Variants in ARFGEF1 observed in about 807,000 individuals in gnomAD.
The protein encoded by ARFGEF1 is brefeldin A-inhibited guanine nucleotide-exchange protein 1.
Under a neutral mutation model 231.0 loss-of-function variants are expected in ARFGEF1, and 42 were observed. The observed-to-expected ratio is 0.18, with a 90% CI of 0.14 to 0.24. The LOEUF (loss-of-function observed/expected upper bound fraction) is 0.24, where lower values mean the gene tolerates loss of function less well. Among genes scored for constraint, ARFGEF1 ranks in the 10% least tolerant of loss-of-function variants. The pLI, the probability that ARFGEF1 is intolerant of heterozygous loss-of-function variation, is 1.00. For synonymous variants in ARFGEF1, 710 were observed against 732.3 expected (o/e 0.97, Z 0.49); for missense variants, 1,345 against 2,192.0 (o/e 0.61, Z 7.72).
At chr8:67,301,011 TATCCC>T in intron 3 of ARFGEF1, among the ~76,000 whole-genome samples, 1 of 152,334 alleles carries the variant, frequency 6.6e-6, no homozygotes, top group South Asian at 2.1e-4. Flanking sequence ...AAAGATTTTA[TATCCC>T]ACTAAGTTAA....
chr8:67,300,827 G>C (rs1297178765), intron 3 of ARFGEF1, among the ~76,000 whole-genome samples: 1 of 150,774 alleles, frequency 6.6e-6, no homozygotes, highest in African/African-American at 2.4e-5. Flanking sequence ...CCAGGCAACA[G>C]AGCAAGACTT....
chr8:67,184,860 G>A (rs554066879), intron 5 of ARFGEF1, among the ~76,000 whole-genome samples: 2 of 149,344 alleles, frequency 1.3e-5, no homozygotes, highest in East Asian at 3.9e-4. Flanking sequence ...AGCACTTTGG[G>A]AGGCCGAGGA....
At chr8:67,230,204 G>A (rs532978770) in intron 23 of ARFGEF1, among the ~76,000 whole-genome samples, 2 of 152,202 alleles carry the variant, frequency 1.3e-5, no homozygotes, top group East Asian at 3.9e-4. Context: ...TAACATTAAG[G>A]CAAGAGAACA....
chr8:67,335,557 C>T (rs1808306495), intron 1 of ARFGEF1, among the ~76,000 whole-genome samples: 1 of 152,076 alleles, frequency 6.6e-6, no homozygotes, highest in South Asian at 2.1e-4. Flanking sequence ...ATATAAAGTG[C>T]TTGGCCTTCA....
intron 1 of ARFGEF1, among the ~76,000 whole-genome samples, chr8:67,319,740 T>C (rs1017282712): frequency 6.6e-6 from 1 of 152,138 alleles, no homozygotes; most frequent in African/African-American, 2.4e-5. Context: ...TGAAAGACAA[T>C]GTTAAGAGAA....
intron 34 of ARFGEF1, among the ~76,000 whole-genome samples, chr8:67,205,905 A>T (rs182809482): frequency 8.3e-4 from 126 of 151,656 alleles, no homozygotes; most frequent in Middle Eastern, 6.8e-3. Flanking sequence ...AAATTAAAAT[A>T]AAAAAATAGG....
At chr8:67,309,534 T>C (rs1005300848) in intron 1 of ARFGEF1, among the ~76,000 whole-genome samples, 2 of 152,222 alleles carry the variant, frequency 1.3e-5, no homozygotes, top group Non-Finnish European at 2.9e-5. Flanking sequence ...CTACTTATGA[T>C]TATTACATAT....
chr8:67,221,496 TAGAAA>T (rs1202544735), intron 29 of ARFGEF1, among the ~76,000 whole-genome samples: 1 of 152,066 alleles, frequency 6.6e-6, no homozygotes, highest in African/African-American at 2.4e-5. Context: ...AAAATAGAAA[TAGAAA>T]AAAGCTTATA....
chr8:67,259,212 T>C (rs542035599), intron 15 of ARFGEF1, among the ~76,000 whole-genome samples: 36 of 152,282 alleles, frequency 2.4e-4, no homozygotes, highest in African/African-American at 8.2e-4. Context: ...GAGATGATTA[T>C]ATTATAACCA....
At chr8:67,208,403 G>A (rs1462937445) in intron 34 of ARFGEF1, among the ~76,000 whole-genome samples, 2 of 152,168 alleles carry the variant, frequency 1.3e-5, no homozygotes, top group Non-Finnish European at 2.9e-5. Context: ...GGCCAGGCAG[G>A]TGGATCACTT....
At position 67,197,681 on chromosome 8, in the gene ARFGEF1, T is replaced by C. The variant is rs886520917; in HGVS notation, c.*1253A>G. On this transcript the variant is annotated 3_prime_UTR_variant, in exon 39 of 39. Transcript: ENST00000262215. Reference sequence around the variant, plus strand: ...GGTTTTGATTGCACTGATGAAATAATTCAAAAACTTTATTGACCTATAACC... The same window carrying C: ...GGTTTTGATTGCACTGATGAAATAACTCAAAAACTTTATTGACCTATAACC... 5 of 985,704 alleles carry C rather than the reference T, an allele frequency of 5.1e-6. No homozygotes were observed. In the African/African-American group the frequency reaches 8.7e-5, roughly 17 times the overall value. 61.1% of individuals were successfully genotyped at this position (985,704 alleles called of 1,614,324 possible).
chr8:67,199,794 G>C (rs1489444799), intron 38 of ARFGEF1: 1 of 163,872 alleles, frequency 6.1e-6, no homozygotes, highest in Non-Finnish European at 1.3e-5. Context: ...CAGCAAAGCA[G>C]CCTGTATGTG....
chr8:67,321,510 G>A (rs1407334402), intron 1 of ARFGEF1, among the ~76,000 whole-genome samples: 1 of 152,118 alleles, frequency 6.6e-6, no homozygotes, highest in East Asian at 1.9e-4. Context: ...GCCCAGGCTG[G>A]AGTGCAGTGG....
At chr8:67,280,377 A>G (rs964454295) in intron 7 of ARFGEF1, among the ~76,000 whole-genome samples, 2 of 152,244 alleles carry the variant, frequency 1.3e-5, no homozygotes, top group African/African-American at 4.8e-5. Flanking sequence ...TAACATAACA[A>G]GTAGGCCAGG....
downstream of ARFGEF1, among the ~76,000 whole-genome samples, chr8:67,195,021 T>C (rs1391376420): frequency 6.6e-6 from 1 of 152,216 alleles, no homozygotes; most frequent in African/African-American, 2.4e-5. Context: ...GTGTAGCCAT[T>C]AGGCTTCTCC....
chr8:67,333,946 G>C (rs947019341), intron 1 of ARFGEF1, among the ~76,000 whole-genome samples: 2 of 151,908 alleles, frequency 1.3e-5, no homozygotes, highest in African/African-American at 2.4e-5. Flanking sequence ...AAACCAGCCT[G>C]GCCAACATGG....
At chr8:67,258,757 A>C (rs530790314) in intron 15 of ARFGEF1, among the ~76,000 whole-genome samples, 1 of 152,118 alleles carries the variant, frequency 6.6e-6, no homozygotes, top group Non-Finnish European at 1.5e-5. Flanking sequence ...AAACACACTA[A>C]ATGCCTTCAT....
intron 30 of ARFGEF1, among the ~76,000 whole-genome samples, chr8:67,218,942 TTCA>T (rs979370258): frequency 6.6e-6 from 1 of 152,090 alleles, no homozygotes; most frequent in African/African-American, 2.4e-5. Flanking sequence ...AAAAAATCAA[TTCA>T]TCAATTCAGT....
At chr8:67,329,107 TCCC>T (rs1317903080) in intron 1 of ARFGEF1, among the ~76,000 whole-genome samples, 5 of 151,940 alleles carry the variant, frequency 3.3e-5, no homozygotes, top group African/African-American at 9.7e-5. Context: ...GTGCCTGTAA[TCCC>T]AGCTACCTGG....
Sources: allele counts gnomAD v4.1 joint callset (sites outside exome capture counted in the v4.1 genomes callset), GRCh38; gene constraint gnomAD v4.1.1; transcripts MANE v1.5; gene names NCBI Gene and HGNC (gene_info 2026-07-23, HGNC 2026-07-21).